NPTN: variants seen among roughly 807,000 people sequenced by gnomAD.
NPTN encodes neuroplastin, also known as SDR-1.
A neutral mutation model predicts 42.7 loss-of-function variants in NPTN; 5 were observed. The ratio of observed to expected loss-of-function variants is 0.12; its 90% CI spans 0.06 to 0.25. NPTN has a LOEUF of 0.25. Among genes scored for constraint, NPTN ranks in the 10% least tolerant of loss-of-function variants. The probability of loss-of-function intolerance (pLI) is 1.00; values close to 1 mark genes in which losing one functional copy is unlikely to be tolerated. For synonymous variants in NPTN, 180 were observed against 201.9 expected (o/e 0.89, Z 0.92); for missense variants, 307 against 525.4 (o/e 0.58, Z 4.06).
chr15:73,618,409 A>T (rs1897966567), intron 1 of NPTN, among the ~76,000 whole-genome samples: 1 of 152,246 alleles, frequency 6.6e-6, no homozygotes. Flanking sequence ...TTTATATTAC[A>T]CTTAGAATAT....
At chr15:73,610,451 C>T (rs909577878) in intron 1 of NPTN, among the ~76,000 whole-genome samples, 1 of 152,174 alleles carries the variant, frequency 6.6e-6, no homozygotes, top group Non-Finnish European at 1.5e-5. Context: ...TGAGTGAGAA[C>T]ATGCAGTGTT....
At chr15:73,619,880 C>T (rs918684894) in intron 1 of NPTN, among the ~76,000 whole-genome samples, 9 of 152,188 alleles carry the variant, frequency 5.9e-5, no homozygotes, top group Non-Finnish European at 1.3e-4. Context: ...GAAAAGTTCA[C>T]TAAGCACATG....
intron 4 of NPTN, among the ~76,000 whole-genome samples, chr15:73,580,403 T>C (rs1026930853): frequency 9.7e-6 from 1 of 103,268 alleles, no homozygotes; most frequent in African/African-American, 4.2e-5. Flanking sequence ...ATATATATTA[T>C]ATATATAATA....
intron 3 of NPTN, among the ~76,000 whole-genome samples, chr15:73,588,571 G>GA (rs1896432278): frequency 1.3e-5 from 2 of 152,168 alleles, no homozygotes; most frequent in African/African-American, 4.8e-5. Context: ...CAGATCTTCT[G>GA]GTCTCTCTTC....
intron 6 of NPTN, chr15:73,566,925 A>T (rs1379605663): frequency 1.5e-6 from 1 of 688,148 alleles, no homozygotes; most frequent in East Asian, 1.4e-4. Flanking sequence ...ACAGGGGACT[A>T]AAGGAATGCA....
chr15:73,632,514 T>G (rs539782769), intron 1 of NPTN: 102 of 152,474 alleles, frequency 6.7e-4, no homozygotes, highest in Non-Finnish European at 1.1e-3. Context: ...ACCCACTCCC[T>G]CATCTTCCCA....
At chr15:73,606,331 A>C (rs1897293083) in intron 1 of NPTN, among the ~76,000 whole-genome samples, 2 of 152,214 alleles carry the variant, frequency 1.3e-5, no homozygotes, top group South Asian at 4.1e-4. Context: ...TGCAGCAGCC[A>C]CAAACTATTG....
At chr15:73,562,433 C>T (rs1164901669) in intron 7 of NPTN, among the ~76,000 whole-genome samples, 2 of 152,192 alleles carry the variant, frequency 1.3e-5, no homozygotes, top group Non-Finnish European at 2.9e-5. Flanking sequence ...CCCTTCGAAT[C>T]CGGAACTATA....
At chr15:73,610,380 G>A (rs1897518529) in intron 1 of NPTN, among the ~76,000 whole-genome samples, 1 of 152,206 alleles carries the variant, frequency 6.6e-6, no homozygotes. Context: ...ACAGGCATGA[G>A]CCACTGTACT....
chr15:73,570,076 C>T lies in NPTN; in HGVS notation c.1114+74G>A. ...GATTGAATCCCAACATCCCTATAGTCCTCTTTGGGTACTTGGAAACCACCC... is the reference window on the plus strand; with the variant it reads ...GATTGAATCCCAACATCCCTATAGTTCTCTTTGGGTACTTGGAAACCACCC... On this transcript the variant is annotated intron_variant, in intron 6 of 8. Transcript: ENST00000345330. This position sits in a 1 kb window ranked among gnomAD's most constrained non-coding sequence, Gnocchi z 4.0. 1 of 1,459,604 alleles carries T rather than the reference C, an allele frequency of 6.9e-7. No individual in the cohort carries two copies. The highest frequency in any genetic ancestry group is 1.4e-5 in the African/African-American group (1 of 70,892). The allele number at this position is 1,459,604 out of a possible 1,614,324, so 90.4% of individuals were successfully genotyped here. A position where few individuals can be genotyped will look rare whatever the true frequency, so the allele number is the denominator to read the frequency against.
chr15:73,582,468 A>G (rs1896098897), intron 4 of NPTN, among the ~76,000 whole-genome samples: 1 of 152,304 alleles, frequency 6.6e-6, no homozygotes, highest in Admixed American at 6.5e-5. Flanking sequence ...CACCCACAGC[A>G]GATTTATCAT....
chr15:73,604,188 C>A (rs1315063005), intron 1 of NPTN, among the ~76,000 whole-genome samples: 2 of 151,932 alleles, frequency 1.3e-5, no homozygotes, highest in African/African-American at 2.4e-5. Flanking sequence ...TAAAAAAAAA[C>A]ATGGGCCGCT....
rs1896175561 is a variant in NPTN at position 73,583,741 on chromosome 15, A to G, written c.706+3783T>C. Among the ~76,000 whole-genome samples the G allele has an allele frequency of 5.3e-5, 8 of 152,322 alleles. No homozygotes were observed. The South Asian group carries it at 1.7e-3, about 32-fold the overall frequency. ...GTTGCTTTGACATCAGTTCTCACCT[A>G]AAGGATGTCACAACCTCTACGCATC... On this transcript the variant is annotated intron_variant, in intron 4 of 8. Transcript: ENST00000345330.
chr15:73,586,203 G>A (rs183908934), intron 4 of NPTN, among the ~76,000 whole-genome samples: 6 of 152,294 alleles, frequency 3.9e-5, no homozygotes, highest in East Asian at 1.9e-4. Context: ...AATGCTGCAC[G>A]GCCTCAAGTC....
chr15:73,582,211 T>C (rs1468823497), intron 4 of NPTN, among the ~76,000 whole-genome samples: 2 of 152,222 alleles, frequency 1.3e-5, no homozygotes, highest in Admixed American at 6.5e-5. Flanking sequence ...CTTAAAGGTG[T>C]TGTCAATGAC....
chr15:73,590,407 T>C (rs1395542172), intron 3 of NPTN, among the ~76,000 whole-genome samples: 1 of 152,048 alleles, frequency 6.6e-6, no homozygotes, highest in African/African-American at 2.4e-5. Context: ...TTGCAGGCAA[T>C]AGTACAAGAC....
At chr15:73,587,643 A>G in intron 3 of NPTN, 25 bp from the exon 4 acceptor site, 11 of 1,537,980 alleles carry the variant, frequency 7.2e-6, no homozygotes, top group Non-Finnish European at 9.9e-6. Context: ...AGAAAAACCA[A>G]GTGAGGAAAC....
At chr15:73,567,053 C>T in intron 6 of NPTN, 1 of 896,646 alleles carries the variant, frequency 1.1e-6, no homozygotes, top group South Asian at 5.2e-5. Flanking sequence ...CAATCCTAAG[C>T]ATTTTCAATG....
At chr15:73,564,807 G>A (rs541637487) in intron 6 of NPTN, among the ~76,000 whole-genome samples, 226 of 152,306 alleles carry the variant, frequency 1.5e-3, no homozygotes, top group African/African-American at 5.3e-3. Flanking sequence ...AGACATAGGA[G>A]CAAACTTGGA....
Sources: allele counts gnomAD v4.1 joint callset (sites outside exome capture counted in the v4.1 genomes callset), GRCh38; gene constraint gnomAD v4.1.1; non-coding constraint Gnocchi (gnomAD v3.1); transcripts MANE v1.5; gene names NCBI Gene and HGNC (gene_info 2026-07-23, HGNC 2026-07-21).